The following DMRT1 variants were observed in gnomAD, a reference collection of about 807,000 sequenced individuals.
DMRT1 encodes doublesex and mab-3 related transcription factor 1, also known as doublesex- and mab-3-related transcription factor 1.
Under a neutral mutation model 32.3 loss-of-function variants are expected in DMRT1, and 7 were observed. That is an observed-to-expected ratio of 0.22 (90% CI 0.12 to 0.41). DMRT1 has a LOEUF of 0.41. DMRT1 is among the 10% of genes least tolerant of loss of function. DMRT1 has a pLI of 1.00. For synonymous variants in DMRT1, 278 were observed against 206.1 expected (o/e 1.35, Z -2.99); for missense variants, 625 against 500.5 (o/e 1.25, Z -2.37).
chr9:917,622 C>G (rs1274042353), intron 4 of DMRT1, among the ~76,000 whole-genome samples: 4 of 152,134 alleles, frequency 2.6e-5, no homozygotes, highest in Admixed American at 2.6e-4. Flanking sequence ...AAGTGGAAAT[C>G]AGGGCAGTAG....
intron 2 of DMRT1, among the ~76,000 whole-genome samples, chr9:872,304 A>G (rs976036165): frequency 7.3e-5 from 11 of 150,840 alleles, no homozygotes; most frequent in East Asian, 3.9e-4. Flanking sequence ...CTTGTGATCC[A>G]CCCGCCTTGG....
intron 2 of DMRT1, among the ~76,000 whole-genome samples, chr9:864,635 A>T (rs1381975430): frequency 4.6e-5 from 7 of 151,660 alleles, no homozygotes; most frequent in Admixed American, 2.0e-4. Context: ...AGCAGCTGGG[A>T]CTACAGGCGC....
intron 2 of DMRT1, among the ~76,000 whole-genome samples, chr9:868,965 C>A (rs1269019693): frequency 1.3e-5 from 2 of 152,058 alleles, no homozygotes; most frequent in African/African-American, 4.8e-5. Flanking sequence ...GAACCATGAT[C>A]GTGCCACCTC....
chr9:865,646 A>G (rs1337460847), intron 2 of DMRT1, among the ~76,000 whole-genome samples: 1 of 152,184 alleles, frequency 6.6e-6, no homozygotes, highest in East Asian at 1.9e-4. Flanking sequence ...AACAGATACA[A>G]CAAGAATTAC....
intron 2 of DMRT1, among the ~76,000 whole-genome samples, chr9:872,872 G>A (rs1365735922): frequency 2.0e-5 from 3 of 152,124 alleles, no homozygotes; most frequent in East Asian, 1.9e-4. Context: ...CGGGTGCACC[G>A]TTTTACATTT....
intron 2 of DMRT1, among the ~76,000 whole-genome samples, chr9:858,134 C>G (rs1815483988): frequency 6.6e-6 from 1 of 152,060 alleles, no homozygotes; most frequent in East Asian, 1.9e-4. Context: ...ATTGGAAAAC[C>G]ACTGTCACTC....
chr9:929,620 C>T (rs188598505), intron 4 of DMRT1, among the ~76,000 whole-genome samples: 3 of 152,108 alleles, frequency 2.0e-5, no homozygotes, highest in Admixed American at 6.5e-5. Flanking sequence ...ACAGGCTAGA[C>T]ACATTCATAT....
chr9:956,842 C>T (rs1284270551), intron 4 of DMRT1, among the ~76,000 whole-genome samples: 1 of 152,176 alleles, frequency 6.6e-6, no homozygotes, highest in African/African-American at 2.4e-5. Flanking sequence ...TCATCTCACC[C>T]AGAGATCATA....
chr9:916,995 C>G, intron 4 of DMRT1, 88 bp downstream of exon 4: 7 of 1,442,500 alleles, frequency 4.9e-6, no homozygotes, highest in Non-Finnish European at 5.9e-6. Flanking sequence ...AATGGCTTAG[C>G]TGTTAGTAAT....
At chr9:902,924 C>G (rs931923430) in intron 3 of DMRT1, among the ~76,000 whole-genome samples, 2 of 152,098 alleles carry the variant, frequency 1.3e-5, no homozygotes, top group Admixed American at 6.6e-5. Context: ...CCTACTAGGT[C>G]AGTAGGCAAG....
intron 4 of DMRT1, among the ~76,000 whole-genome samples, chr9:954,274 C>T (rs118115448): frequency 0.013 from 1,952 of 152,114 alleles, 25 homozygotes; most frequent in Non-Finnish European, 0.017. Flanking sequence ...CTTTTGGAAG[C>T]GTAACAGCCA....
intron 2 of DMRT1, among the ~76,000 whole-genome samples, chr9:860,875 T>C (rs1462519676): frequency 6.6e-6 from 1 of 152,160 alleles, no homozygotes; most frequent in Non-Finnish European, 1.5e-5. Flanking sequence ...GGCAGGCAGC[T>C]GTGAGCCTGA....
At chr9:885,162 G>A (rs1300565572) in intron 2 of DMRT1, among the ~76,000 whole-genome samples, 2 of 152,186 alleles carry the variant, frequency 1.3e-5, no homozygotes, top group Admixed American at 6.5e-5. Context: ...CGACCCCATG[G>A]CAGTGTCTAG....
intron 2 of DMRT1, among the ~76,000 whole-genome samples, chr9:890,934 T>C (rs1259367122): frequency 7.3e-5 from 11 of 151,564 alleles, no homozygotes; most frequent in Non-Finnish European, 1.6e-4. Flanking sequence ...TTCACCATGT[T>C]GGTCAGGCTG....
intron 4 of DMRT1, among the ~76,000 whole-genome samples, chr9:924,903 TC>T (rs2129820885): frequency 6.6e-6 from 1 of 152,282 alleles, no homozygotes; most frequent in East Asian, 1.9e-4. Flanking sequence ...AACTTCTTTC[TC>T]TTTCTACATA....
intron 1 of DMRT1, among the ~76,000 whole-genome samples, chr9:843,967 G>A (rs879852577): frequency 2.0e-5 from 3 of 151,100 alleles, no homozygotes; most frequent in Non-Finnish European, 4.4e-5. Context: ...GCAGTAAAAT[G>A]CATCACAATG....
chr9:943,741 A>G (rs1029861360), intron 4 of DMRT1, among the ~76,000 whole-genome samples: 2 of 152,240 alleles, frequency 1.3e-5, no homozygotes, highest in African/African-American at 4.8e-5. Context: ...AGCAGATTAC[A>G]ATTTACTGAT....
At chr9:866,271 A>G (rs983664058) in intron 2 of DMRT1, among the ~76,000 whole-genome samples, 5 of 152,066 alleles carry the variant, frequency 3.3e-5, no homozygotes, top group East Asian at 3.9e-4. Context: ...GTAAAGCACC[A>G]TCAATGCACA....
intron 2 of DMRT1, among the ~76,000 whole-genome samples, chr9:878,200 G>GCCCCCCCCCCCCCCCCCCCCCCCCCCA (rs34336062): frequency 1.1e-5 from 1 of 94,040 alleles, no homozygotes; most frequent in Non-Finnish European, 2.0e-5. Flanking sequence ...TGCAGCTGCT[G>GCCCCCCCCCCCCCCCCCCCCCCCCCCA]CCCCCCCCCC....
Sources: allele counts gnomAD v4.1 joint callset (sites outside exome capture counted in the v4.1 genomes callset), GRCh38; gene constraint gnomAD v4.1.1; transcripts MANE v1.5; gene names NCBI Gene and HGNC (gene_info 2026-07-23, HGNC 2026-07-21).